The following CCDC85C variants were observed in gnomAD, a reference collection of about 807,000 sequenced individuals.
CCDC85C encodes the protein coiled-coil domain containing 85C, also known as coiled-coil domain-containing protein 85C.
Under a neutral mutation model 38.3 loss-of-function variants are expected in CCDC85C, and 18 were observed. The ratio of observed to expected loss-of-function variants is 0.47; its 90% CI spans 0.33 to 0.70. The LOEUF (loss-of-function observed/expected upper bound fraction) is 0.70. Ranked by LOEUF, CCDC85C falls within the 30% of genes least tolerant of loss-of-function variation. CCDC85C has a pLI of 0.03. For missense variants in CCDC85C, 566 were observed against 621.2 expected, an observed-to-expected ratio of 0.91 and a Z score of 0.94; for synonymous variants, 264 against 293.8, an observed-to-expected ratio of 0.90 and a Z score of 1.04.
intron 3 of CCDC85C, among the ~76,000 whole-genome samples, chr14:99,518,441 C>A (rs892985142): frequency 6.6e-6 from 1 of 152,172 alleles, no homozygotes; most frequent in African/African-American, 2.4e-5. Context: ...TCGGTTTCCT[C>A]GTCTGGACAA....
rs187047556 is a variant in CCDC85C at position 99,553,126 on chromosome 14, G to A, written c.794-17038C>T. On this transcript the variant is annotated intron_variant, in intron 1 of 5. Transcript: ENST00000380243. Reference sequence around the variant, plus strand: ...CACAGCTGTGTGACCTCGCACCAGTGACTGACCGTCTCTGAGCCTCTCATG... The same window carrying A: ...CACAGCTGTGTGACCTCGCACCAGTAACTGACCGTCTCTGAGCCTCTCATG... Among the ~76,000 whole-genome samples the A allele has an allele frequency of 1.8e-3, 281 of 152,320 alleles. 2 individuals carry two copies. Among genetic ancestry groups the A allele is most frequent in the African/African-American group, 6.0e-3 (250 of 41,560 alleles).
intron 1 of CCDC85C, among the ~76,000 whole-genome samples, chr14:99,553,365 T>TTTG (rs1431192561): frequency 6.6e-6 from 1 of 152,220 alleles, no homozygotes; most frequent in East Asian, 1.9e-4. Flanking sequence ...GTGGTTTTTT[T>TTTG]TTTGTTTGTT....
intron 1 of CCDC85C, among the ~76,000 whole-genome samples, chr14:99,600,611 CA>C (rs2055188452): frequency 6.6e-6 from 1 of 152,234 alleles, no homozygotes; most frequent in Non-Finnish European, 1.5e-5. Flanking sequence ...CAAACCCACC[CA>C]GGACAGGTAC....
rs770261746 is a variant in CCDC85C, at chr14:99,507,070, T to C, written c.*8176A>G. ...AGTGGTTTTCTAATCTGCTTTTTCTTTGTAGAACCACCACCACCTAAAATC... is the reference window on the plus strand; with the variant it reads ...AGTGGTTTTCTAATCTGCTTTTTCTCTGTAGAACCACCACCACCTAAAATC... On this transcript the variant is annotated 3_prime_UTR_variant, in exon 6 of 6. Transcript: ENST00000380243. The C allele has an allele frequency of 1.3e-5, 20 of 1,591,782 alleles. No homozygotes were observed. The African/African-American group carries it at 1.7e-4, about 14-fold the overall frequency.
rs1013233308 is a variant in CCDC85C, at chr14:99,512,847, T to A, written c.*2399A>T. On this transcript the variant is annotated 3_prime_UTR_variant, in exon 6 of 6. Coordinates refer to ENST00000380243, the MANE Select transcript of CCDC85C (RefSeq NM_001144995.2). ...CAGATTTCCCCTGTGGGAAGCCCCA[T>A]CTGACCTTCTACAGCCCACGGCTCT... is the stretch of plus-strand genomic sequence containing the variant. 2.0e-5 allele frequency: 3 copies of A among 151,786 alleles called. No homozygotes were observed. Among genetic ancestry groups the A allele is most frequent in the African/African-American group, 7.3e-5 (3 of 41,064 alleles). The allele number at this position is 151,786 out of a possible 1,614,324, so 9.4% of individuals were successfully genotyped here. A position where few individuals can be genotyped will look rare whatever the true frequency, so the allele number is the denominator to read the frequency against.
rs765350035 is a variant in CCDC85C at position 99,500,746 on chromosome 14, C to T, written c.*14500G>A. 2 of 1,448,608 alleles carry T rather than the reference C, an allele frequency of 1.4e-6. No homozygotes were observed. The highest frequency in any genetic ancestry group is 1.2e-5 in the South Asian group (1 of 81,942). 89.7% of individuals were successfully genotyped at this position (1,448,608 alleles called of 1,614,324 possible). A position where few individuals can be genotyped will look rare whatever the true frequency, so the allele number is the denominator to read the frequency against. ...CCTGCAATTGTAATTACTGTCCTAACATTTGTGATTGATTTTTAGGAGGAA... is the reference window on the plus strand; with the variant it reads ...CCTGCAATTGTAATTACTGTCCTAATATTTGTGATTGATTTTTAGGAGGAA... On this transcript the variant is annotated 3_prime_UTR_variant, in exon 6 of 6. Coordinates refer to ENST00000380243, the MANE Select transcript of CCDC85C (RefSeq NM_001144995.2).
rs1897171946 is a variant in CCDC85C at position 99,513,506 on chromosome 14, C to A, written c.*1740G>T. 6.6e-6 allele frequency: 1 copy of A among 152,318 alleles called. No homozygotes were observed. The highest frequency in any genetic ancestry group is 2.1e-4 in the South Asian group (1 of 4,838). 9.4% of individuals were successfully genotyped at this position (152,318 alleles called of 1,614,324 possible). A position where few individuals can be genotyped will look rare whatever the true frequency, so the allele number is the denominator to read the frequency against. On this transcript the variant is annotated 3_prime_UTR_variant, in exon 6 of 6. Transcript: ENST00000380243. ...GCGCCACACCATCCCATCACCAGCA[C>A]CCACTTACCCCCCTGGGGCTAAGAT...
chr14:99,591,662 C>T (rs950839535), intron 1 of CCDC85C, among the ~76,000 whole-genome samples: 6 of 151,248 alleles, frequency 4.0e-5, no homozygotes, highest in African/African-American at 4.9e-5. Flanking sequence ...GCGCTGCAGC[C>T]GGTGGGGAGG....
chr14:99,580,031 G>A (rs778067347), intron 1 of CCDC85C: 2 of 455,686 alleles, frequency 4.4e-6, no homozygotes, highest in South Asian at 3.1e-5. Flanking sequence ...CCCGGAGTGA[G>A]TCACATGGGC....
chr14:99,598,106 G>T (rs2055162273), intron 1 of CCDC85C, among the ~76,000 whole-genome samples: 1 of 152,200 alleles, frequency 6.6e-6, no homozygotes, highest in Non-Finnish European at 1.5e-5. Context: ...GCCGAGCGCT[G>T]CAGCGGGAGA....
Position 99,559,027 on chromosome 14 carries a change from G to A in CCDC85C, c.794-22939C>T, listed in dbSNP as rs567890813. 3.0e-4 allele frequency among the ~76,000 whole-genome samples: 45 copies of A among 152,032 alleles called. No homozygotes were observed. In the Middle Eastern group the frequency reaches 0.014, roughly 46 times the overall value. Reference sequence around the variant, plus strand: ...TTTCTCCTGCTCCCGCCTGCAAGACGCACCCGCCTCCCCTTCGCCTTCCGC... The same window carrying A: ...TTTCTCCTGCTCCCGCCTGCAAGACACACCCGCCTCCCCTTCGCCTTCCGC... On this transcript the variant is annotated intron_variant, in intron 1 of 5. Transcript: ENST00000380243.
chr14:99,521,038 G>GC (rs1897296854), intron 3 of CCDC85C, among the ~76,000 whole-genome samples: 1 of 152,210 alleles, frequency 6.6e-6, no homozygotes, highest in Non-Finnish European at 1.5e-5. Flanking sequence ...TGCTTGCACA[G>GC]CACTTCCCAA....
Position 99,516,069 on chromosome 14 carries a change from C to G in CCDC85C, c.1170+119G>C. On this transcript the variant is annotated intron_variant, in intron 5 of 5. Transcript: ENST00000380243. This position sits in a 1 kb window ranked among gnomAD's most constrained non-coding sequence, Gnocchi z 5.5. Reference sequence around the variant, plus strand: ...CTCCCCCCAGCTATCCAAGGTCACCCAGCCTTCGCTGAGCATTCGAGAAAT... The same window carrying G: ...CTCCCCCCAGCTATCCAAGGTCACCGAGCCTTCGCTGAGCATTCGAGAAAT... 1.2e-6 allele frequency: 1 copy of G among 817,314 alleles called. No individual in the cohort carries two copies. The highest frequency in any genetic ancestry group is 1.6e-5 in the South Asian group (1 of 63,830). The allele number at this position is 817,314 out of a possible 1,614,324, so 50.6% of individuals were successfully genotyped here.
chr14:99,553,467 C>T (rs562042614), intron 1 of CCDC85C, among the ~76,000 whole-genome samples: 8 of 152,280 alleles, frequency 5.3e-5, no homozygotes, highest in South Asian at 2.1e-4. Flanking sequence ...TGGGTTCAAG[C>T]GATTCTTCTG....
rs1224076662 is a variant in CCDC85C, at chr14:99,535,979, C to T, written c.867+36G>A. 4.6e-6 allele frequency: 7 copies of T among 1,512,356 alleles called. No individual in the cohort carries two copies. The highest frequency in any genetic ancestry group is 1.2e-5 in the South Asian group (1 of 83,248). The allele number at this position is 1,512,356 out of a possible 1,614,324, so 93.7% of individuals were successfully genotyped here. Reference sequence around the variant, plus strand: ...AGCTGGAGGGGTGGGTGCTGGGTCGCGGTCCTCAAGGCAGCGCCACCCGAA... The same window carrying T: ...AGCTGGAGGGGTGGGTGCTGGGTCGTGGTCCTCAAGGCAGCGCCACCCGAA... On this transcript the variant is annotated intron_variant, in intron 2 of 5. Transcript: ENST00000380243. The surrounding 1 kb of genome is among the most constrained non-coding windows in gnomAD (Gnocchi z 5.5).
At position 99,510,899 on chromosome 14, in the gene CCDC85C, G is replaced by A; in HGVS notation, c.*4347C>T. On this transcript the variant is annotated 3_prime_UTR_variant, in exon 6 of 6. Transcript: ENST00000380243. Reference sequence around the variant, plus strand: ...ATAATGCACGACAGTTGCAGTATGGGAAGAATGGACCGGGCCCCTGGGATA... The same window carrying A: ...ATAATGCACGACAGTTGCAGTATGGAAAGAATGGACCGGGCCCCTGGGATA... 1.1e-6 allele frequency: 1 copy of A among 905,406 alleles called. No individual in the cohort carries two copies. The highest frequency in any genetic ancestry group is 1.5e-6 in the Non-Finnish European group (1 of 671,300). 56.1% of individuals were successfully genotyped at this position (905,406 alleles called of 1,614,324 possible).
At chr14:99,549,840 G>A (rs1324562817) in intron 1 of CCDC85C, among the ~76,000 whole-genome samples, 4 of 152,224 alleles carry the variant, frequency 2.6e-5, no homozygotes, top group South Asian at 4.1e-4. Flanking sequence ...TCTTCCAGCC[G>A]TGGAGAAGGA....
chr14:99,591,740 T>TA (rs2055090454), intron 1 of CCDC85C, among the ~76,000 whole-genome samples: 1 of 149,806 alleles, frequency 6.7e-6, no homozygotes, highest in Non-Finnish European at 1.5e-5. Context: ...TTTTCTTTTT[T>TA]TTTTTTTTTT....
At chr14:99,527,316 A>T (rs1468117904) in intron 2 of CCDC85C, among the ~76,000 whole-genome samples, 1 of 152,146 alleles carries the variant, frequency 6.6e-6, no homozygotes, top group Non-Finnish European at 1.5e-5. Context: ...ACTGGTTCTC[A>T]AATGGGGGTG....
Sources: allele counts gnomAD v4.1 joint callset (sites outside exome capture counted in the v4.1 genomes callset), GRCh38; gene constraint gnomAD v4.1.1; non-coding constraint Gnocchi (gnomAD v3.1); transcripts MANE v1.5; gene names NCBI Gene and HGNC (gene_info 2026-07-23, HGNC 2026-07-21).